LGSN: variants seen among roughly 807,000 people sequenced by gnomAD.
LGSN encodes the protein lengsin.
LGSN carries 21 observed loss-of-function variants against 19.5 expected under a neutral mutation model. That is an observed-to-expected ratio of 1.07 (90% CI 0.76 to 1.55). The LOEUF (loss-of-function observed/expected upper bound fraction) is 1.55. Among genes scored for constraint, LGSN ranks in the 40% most tolerant of loss-of-function variants. The probability of loss-of-function intolerance (pLI) is 0.00; values close to 1 mark genes in which losing one functional copy is unlikely to be tolerated. For synonymous variants in LGSN, 257 were observed against 215.6 expected (o/e 1.19, Z -1.68); for missense variants, 673 against 608.5 (o/e 1.11, Z -1.12).
the LGSN span, among the ~76,000 whole-genome samples, chr6:63,509,571 G>C: frequency 1.3e-5 from 2 of 151,970 alleles, no homozygotes; most frequent in Admixed American, 1.3e-4. Flanking sequence ...TTATATAGCT[G>C]CCATAGTTTC....
At chr6:63,285,090 T>C (rs528313642) in intron 3 of LGSN, among the ~76,000 whole-genome samples, 2 of 152,224 alleles carry the variant, frequency 1.3e-5, no homozygotes, top group African/African-American at 4.8e-5. Context: ...TCATCATTTT[T>C]GGGAATTTAA....
the LGSN span, among the ~76,000 whole-genome samples, chr6:63,455,455 T>C: frequency 1.3e-5 from 2 of 152,328 alleles, no homozygotes; most frequent in East Asian, 3.9e-4. Context: ...TCTTTTTTCA[T>C]TTAAAAACTC....
the LGSN span, among the ~76,000 whole-genome samples, chr6:63,443,079 GC>G: frequency 6.6e-6 from 1 of 152,198 alleles, no homozygotes; most frequent in African/African-American, 2.4e-5. Flanking sequence ...CAGGTCCTGA[GC>G]CCTGCCCCAT....
chr6:63,358,659 T>C, the LGSN span, among the ~76,000 whole-genome samples: 1 of 152,228 alleles, frequency 6.6e-6, no homozygotes, highest in African/African-American at 2.4e-5. Context: ...ATAAGAATGC[T>C]TGTGATTTTT....
At chr6:63,387,608 A>G in the LGSN span, among the ~76,000 whole-genome samples, 1 of 152,342 alleles carries the variant, frequency 6.6e-6, no homozygotes, top group East Asian at 1.9e-4. Context: ...TTAAAAATAT[A>G]TATTAGTACA....
the LGSN span, among the ~76,000 whole-genome samples, chr6:63,428,825 A>T: frequency 1.3e-5 from 2 of 152,318 alleles, no homozygotes; most frequent in Non-Finnish European, 2.9e-5. Flanking sequence ...AGGATCCCTG[A>T]TGTTTCAGCT....
the LGSN span, among the ~76,000 whole-genome samples, chr6:63,331,191 G>A: frequency 3.9e-5 from 6 of 152,298 alleles, no homozygotes; most frequent in South Asian, 2.1e-4. Context: ...TAGGATATGG[G>A]TGTAAGCTGA....
At chr6:63,290,442 T>C (rs1016916482) in intron 2 of LGSN, among the ~76,000 whole-genome samples, 1 of 152,250 alleles carries the variant, frequency 6.6e-6, no homozygotes, top group Admixed American at 6.5e-5. Flanking sequence ...GGAGTCAATG[T>C]GGCCAGCAGA....
At chr6:63,346,278 A>C in the LGSN span, among the ~76,000 whole-genome samples, 1 of 152,082 alleles carries the variant, frequency 6.6e-6, no homozygotes, top group Non-Finnish European at 1.5e-5. Context: ...TCATGATTTA[A>C]AGCCTGGAAC....
chr6:63,361,082 C>T, the LGSN span, among the ~76,000 whole-genome samples: 12 of 152,350 alleles, frequency 7.9e-5, no homozygotes, highest in East Asian at 1.9e-3. Flanking sequence ...GGGTGCCTCC[C>T]AGTTAGGCTA....
the LGSN span, among the ~76,000 whole-genome samples, chr6:63,393,096 C>G: frequency 4.0e-5 from 6 of 151,422 alleles, no homozygotes; most frequent in South Asian, 1.3e-3. Flanking sequence ...ACCGCATTAG[C>G]CAGGATGGTC....
the LGSN span, among the ~76,000 whole-genome samples, chr6:63,503,109 A>G: frequency 6.6e-6 from 1 of 152,062 alleles, no homozygotes; most frequent in Non-Finnish European, 1.5e-5. Context: ...AAATTATTGT[A>G]TTCATCATGA....
chr6:63,421,612 C>T, the LGSN span, among the ~76,000 whole-genome samples: 1 of 151,924 alleles, frequency 6.6e-6, no homozygotes. Flanking sequence ...CCTGTAGTCC[C>T]AGCTATTCAG....
chr6:63,295,490 T>A (rs1455579485), intron 1 of LGSN, among the ~76,000 whole-genome samples: 1 of 152,170 alleles, frequency 6.6e-6, no homozygotes, highest in Non-Finnish European at 1.5e-5. Context: ...GCTCTCTTTT[T>A]CCTTATGAAA....
At chr6:63,361,714 G>A in the LGSN span, among the ~76,000 whole-genome samples, 1 of 152,108 alleles carries the variant, frequency 6.6e-6, no homozygotes, top group Admixed American at 6.6e-5. Context: ...TACCTCAGTT[G>A]GAAATGCAGA....
At chr6:63,529,161 GTGTA>G in the LGSN span, among the ~76,000 whole-genome samples, 1 of 102,144 alleles carries the variant, frequency 9.8e-6, no homozygotes, top group Non-Finnish European at 1.9e-5. Flanking sequence ...ATATATATGT[GTGTA>G]TATATATATA....
intron 1 of LGSN, among the ~76,000 whole-genome samples, chr6:63,305,997 G>T (rs1364240805): frequency 6.6e-6 from 1 of 152,060 alleles, no homozygotes; most frequent in African/African-American, 2.4e-5. Flanking sequence ...AACCCAGGAG[G>T]TGGAGGTTAC....
the LGSN span, among the ~76,000 whole-genome samples, chr6:63,467,918 C>T: frequency 6.6e-6 from 1 of 151,952 alleles, no homozygotes; most frequent in African/African-American, 2.4e-5. Context: ...TTTCAAACTC[C>T]TGACCTCAAA....
chr6:63,391,466 C>T, the LGSN span, among the ~76,000 whole-genome samples: 1 of 152,194 alleles, frequency 6.6e-6, no homozygotes, highest in East Asian at 1.9e-4. Context: ...ACAAGGATTC[C>T]CAACTTGTAA....
Sources: gnomAD v4.1 joint callset for allele counts (sites outside exome capture counted in the v4.1 genomes callset) on GRCh38, gnomAD v4.1.1 for gene constraint, MANE v1.5 for transcripts, NCBI Gene and HGNC (gene_info 2026-07-23, HGNC 2026-07-21) for gene names.